Variants in ARHGEF11 observed in about 807,000 individuals in gnomAD.
The protein encoded by ARHGEF11 is Rho guanine exchange factor (GEF) 11.
A neutral mutation model predicts 193.7 loss-of-function variants in ARHGEF11; 55 were observed. That is an observed-to-expected ratio of 0.28 (90% CI 0.23 to 0.36). The LOEUF (loss-of-function observed/expected upper bound fraction) is 0.36, where lower values mean the gene tolerates loss of function less well. ARHGEF11 is among the 10% of genes least tolerant of loss of function. The pLI is 1.00. For synonymous variants in ARHGEF11, 693 were observed against 768.0 expected, an observed-to-expected ratio of 0.90 and a Z score of 1.62; for missense variants, 1,723 against 2,005.6, an observed-to-expected ratio of 0.86 and a Z score of 2.69.
intron 1 of ARHGEF11, among the ~76,000 whole-genome samples, chr1:157,027,664 A>T (rs1383508094): frequency 2.0e-5 from 3 of 152,194 alleles, no homozygotes; most frequent in African/African-American, 7.2e-5. Flanking sequence ...TAACTGCAAC[A>T]GTAGTTCCCA....
chr1:157,015,938 C>T (rs1311518894), intron 1 of ARHGEF11, among the ~76,000 whole-genome samples: 1 of 152,186 alleles, frequency 6.6e-6, no homozygotes, highest in Non-Finnish European at 1.5e-5. Context: ...GGGAGAGATA[C>T]CTTTTCACAA....
intron 1 of ARHGEF11, among the ~76,000 whole-genome samples, chr1:157,005,621 T>C (rs1384102969): frequency 6.6e-6 from 1 of 152,232 alleles, no homozygotes; most frequent in South Asian, 2.1e-4. Context: ...ATTAATCCCA[T>C]GAAGCTTTCC....
At chr1:156,996,499 G>T (rs1455830910) in intron 1 of ARHGEF11, among the ~76,000 whole-genome samples, 1 of 152,034 alleles carries the variant, frequency 6.6e-6, no homozygotes, top group Non-Finnish European at 1.5e-5. Context: ...AAAGGGGATG[G>T]ATCTCACAAC....
At chr1:157,012,877 A>G (rs1178029666) in intron 1 of ARHGEF11, among the ~76,000 whole-genome samples, 1 of 152,214 alleles carries the variant, frequency 6.6e-6, no homozygotes, top group Non-Finnish European at 1.5e-5. Flanking sequence ...TTCATTCAAC[A>G]AAATTTACTG....
chr1:156,985,730 C>CT (rs56055266), intron 2 of ARHGEF11: 52,906 of 138,146 alleles, frequency 0.38, 10,266 homozygotes, highest in East Asian at 0.75. Flanking sequence ...AGCCATGTGC[C>CT]TTTTTTTTTT....
chr1:157,039,716 C>T (rs1303171876), intron 1 of ARHGEF11, among the ~76,000 whole-genome samples: 1 of 152,082 alleles, frequency 6.6e-6, no homozygotes, highest in Non-Finnish European at 1.5e-5. Context: ...AAATAATAAA[C>T]CAATAAAAAT....
chr1:156,987,655 TTATAAA>T (rs1332669587), intron 1 of ARHGEF11, among the ~76,000 whole-genome samples: 1 of 152,164 alleles, frequency 6.6e-6, no homozygotes. Context: ...TACAAGTAAC[TTATAAA>T]TATAAAGGAG....
intron 22 of ARHGEF11, chr1:156,949,146 C>A: frequency 1.0e-6 from 1 of 981,262 alleles, no homozygotes; most frequent in Non-Finnish European, 1.2e-6. Context: ...ATTCCATTTC[C>A]TCTCAAGAGC....
intron 1 of ARHGEF11, among the ~76,000 whole-genome samples, chr1:157,009,464 A>G (rs1481921727): frequency 6.6e-6 from 1 of 152,234 alleles, no homozygotes; most frequent in Admixed American, 6.5e-5. Flanking sequence ...TACAAATAAG[A>G]GAAGTTAAGT....
intron 1 of ARHGEF11, among the ~76,000 whole-genome samples, chr1:157,013,300 C>CA (rs1553228482): frequency 9.7e-5 from 13 of 133,946 alleles, no homozygotes; most frequent in East Asian, 2.7e-4. Flanking sequence ...CACACACACA[C>CA]CAAGAACCTT....
intron 13 of ARHGEF11, among the ~76,000 whole-genome samples, chr1:156,961,998 T>C (rs979527983): frequency 1.3e-5 from 2 of 152,218 alleles, no homozygotes; most frequent in Non-Finnish European, 2.9e-5. Flanking sequence ...TTCAGAACAG[T>C]TGAGAAAGCT....
chr1:157,031,058 T>C (rs1457431683), intron 1 of ARHGEF11, among the ~76,000 whole-genome samples: 4 of 152,240 alleles, frequency 2.6e-5, no homozygotes, highest in East Asian at 1.9e-4. Flanking sequence ...CCAGGTCTTA[T>C]AAAATTCATT....
intron 1 of ARHGEF11, among the ~76,000 whole-genome samples, chr1:156,988,064 G>A (rs1404149129): frequency 4.6e-5 from 7 of 152,118 alleles, no homozygotes; most frequent in African/African-American, 1.2e-4. Flanking sequence ...TAGGCCATTC[G>A]CCACAGCATC....
intron 1 of ARHGEF11, among the ~76,000 whole-genome samples, chr1:157,024,774 G>GTTT (rs1288856994): frequency 6.6e-6 from 1 of 150,648 alleles, no homozygotes; most frequent in Non-Finnish European, 1.5e-5. Context: ...CACAGTTAAA[G>GTTT]AAGTTTGTAT....
intron 1 of ARHGEF11, among the ~76,000 whole-genome samples, chr1:157,027,082 TAA>T (rs1397894653): frequency 6.6e-6 from 1 of 152,136 alleles, no homozygotes; most frequent in Admixed American, 6.6e-5. Context: ...CAACATTACT[TAA>T]AGAGTACTGT....
chr1:156,958,569 ACCTGCAGC>A (rs1324835808), intron 17 of ARHGEF11, among the ~76,000 whole-genome samples, 165 bp downstream of exon 17: 5 of 152,180 alleles, frequency 3.3e-5, no homozygotes, highest in African/African-American at 1.2e-4. Context: ...ACCCTTGAAC[ACCTGCAGC>A]CCTCAGCCTG....
intron 1 of ARHGEF11, among the ~76,000 whole-genome samples, chr1:156,988,798 A>G (rs557389959): frequency 6.8e-4 from 103 of 152,192 alleles, no homozygotes; most frequent in Admixed American, 2.3e-3. Context: ...CAACAGATGC[A>G]AAAAAAATTT....
intron 1 of ARHGEF11, among the ~76,000 whole-genome samples, chr1:157,033,434 T>C (rs1214839751): frequency 6.6e-6 from 1 of 152,142 alleles, no homozygotes; most frequent in East Asian, 1.9e-4. Flanking sequence ...TCATCTCTTG[T>C]CAAGGTTACT....
chr1:156,953,213 G>C (rs1659380492), intron 21 of ARHGEF11, among the ~76,000 whole-genome samples: 1 of 152,218 alleles, frequency 6.6e-6, no homozygotes, highest in African/African-American at 2.4e-5. Flanking sequence ...GGAGGCCAAG[G>C]CAGGAGGATC....
Sources: gnomAD v4.1 joint callset for allele counts (sites outside exome capture counted in the v4.1 genomes callset) on GRCh38, gnomAD v4.1.1 for gene constraint, MANE v1.5 for transcripts, NCBI Gene and HGNC (gene_info 2026-07-23, HGNC 2026-07-21) for gene names.